Variants in NSFL1C observed in about 807,000 individuals in gnomAD.
The protein encoded by NSFL1C is NSFL1 cofactor p47.
NSFL1C carries 14 observed loss-of-function variants against 43.1 expected under a neutral mutation model. That is an observed-to-expected ratio of 0.32 (90% CI 0.21 to 0.51). NSFL1C has a LOEUF of 0.51. NSFL1C is among the 20% of genes least tolerant of loss of function. The pLI is 0.98. For synonymous variants in NSFL1C, 171 were observed against 183.5 expected, an observed-to-expected ratio of 0.93 and a Z score of 0.55; for missense variants, 406 against 472.5, an observed-to-expected ratio of 0.86 and a Z score of 1.30.
At chr20:1,446,264 G>A in intron 7 of NSFL1C, 1 of 244,002 alleles carries the variant, frequency 4.1e-6, no homozygotes, top group South Asian at 4.1e-5. Flanking sequence ...AGGCAGCCTT[G>A]GCACAGCCTG....
chr20:1,453,202 A>G, intron 5 of NSFL1C, 62 bp from the exon 6 acceptor site: 1 of 927,860 alleles, frequency 1.1e-6, no homozygotes, highest in Non-Finnish European at 1.8e-6. Flanking sequence ...TTGAACTTGC[A>G]AATTAGCAGG....
At chr20:1,455,920 C>T (rs1049845983) in intron 3 of NSFL1C, 6 of 624,738 alleles carry the variant, frequency 9.6e-6, no homozygotes, top group Non-Finnish European at 1.2e-5. Flanking sequence ...CAAATACAAG[C>T]CCCAAGACAC....
chr20:1,452,009 G>A (rs1030376816), intron 7 of NSFL1C, among the ~76,000 whole-genome samples: 2 of 152,214 alleles, frequency 1.3e-5, no homozygotes, highest in African/African-American at 4.8e-5. Context: ...AACACACTGT[G>A]AGGCCTGGCT....
chr20:1,443,091 TG>T lies in NSFL1C; in HGVS notation c.*657del, dbSNP rs1302772785. 2.0e-5 allele frequency: 3 copies of T among 152,180 alleles called. No homozygotes were observed. The highest frequency in any genetic ancestry group is 2.9e-5 in the Non-Finnish European group (2 of 68,094). The allele number at this position is 152,180 out of a possible 1,614,324, so 9.4% of individuals were successfully genotyped here. ...TGGAGGAAAGGGCCAGGCAGGCAGG[TG>T]GAACAGAATCTCAACTGGCCAAGAC... On this transcript the variant is annotated 3_prime_UTR_variant, in exon 9 of 9. Coordinates refer to ENST00000216879, the MANE Select transcript of NSFL1C (RefSeq NM_016143.5).
In NSFL1C at chr20:1,443,687, C is replaced by T; in HGVS notation, c.*62G>A. On this transcript the variant is annotated 3_prime_UTR_variant, in exon 9 of 9. Coordinates refer to ENST00000216879, the MANE Select transcript of NSFL1C (RefSeq NM_016143.5). ...ACAAGGGGGCAGGAGGGGCGATCCC[C>T]ATGGGGCATGGCCACTGGCCATGGG... 2.5e-6 allele frequency: 4 copies of T among 1,589,346 alleles called. No individual in the cohort carries two copies. Among genetic ancestry groups the T allele is most frequent in the Non-Finnish European group, 3.4e-6 (4 of 1,160,254 alleles).
At chr20:1,462,355 C>T (rs2090427861) in intron 2 of NSFL1C, among the ~76,000 whole-genome samples, 1 of 152,104 alleles carries the variant, frequency 6.6e-6, no homozygotes, top group Non-Finnish European at 1.5e-5. Flanking sequence ...ACACACTGCG[C>T]CCTCCTCCCT....
chr20:1,460,042 A>T (rs1019529120), intron 2 of NSFL1C, among the ~76,000 whole-genome samples: 3 of 152,202 alleles, frequency 2.0e-5, no homozygotes, highest in African/African-American at 7.2e-5. Context: ...TCTGGTATCC[A>T]TGTACCAGAT....
intron 7 of NSFL1C, among the ~76,000 whole-genome samples, chr20:1,446,731 C>A (rs1568613597): frequency 6.6e-6 from 1 of 152,062 alleles, no homozygotes; most frequent in East Asian, 1.9e-4. Context: ...TTCTCTCCTC[C>A]AAACCACCTG....
At chr20:1,445,926 G>A (rs973422858) in intron 7 of NSFL1C, 96 bp from the exon 8 acceptor site, 67 of 1,303,628 alleles carry the variant, frequency 5.1e-5, no homozygotes, top group African/African-American at 5.0e-4. Context: ...TTTGCAATGC[G>A]CCTGGCATTG....
chr20:1,457,309 T>G lies in NSFL1C; in HGVS notation c.278+891A>C, dbSNP rs142483865. 3.1e-3 allele frequency among the ~76,000 whole-genome samples: 467 copies of G among 152,322 alleles called. 1 individual carries two copies. Among genetic ancestry groups the G allele is most frequent in the African/African-American group, 0.011 (457 of 41,566 alleles). ...CTTTCTTTTCCTTATTTTTTAAAAT[T>G]GTAAATTGGCAATTTATAATTGTAT... On this transcript the variant is annotated intron_variant, in intron 3 of 8. Coordinates refer to ENST00000216879, the MANE Select transcript of NSFL1C (RefSeq NM_016143.5).
At chr20:1,454,845 C>A in intron 4 of NSFL1C, 122 bp downstream of exon 4, 1 of 1,060,236 alleles carries the variant, frequency 9.4e-7, no homozygotes, top group Non-Finnish European at 1.4e-6. Flanking sequence ...GTGTTCCGCA[C>A]AGAAGACCAA....
intron 7 of NSFL1C, among the ~76,000 whole-genome samples, chr20:1,450,764 A>G (rs1050991975): frequency 2.0e-5 from 3 of 152,242 alleles, no homozygotes; most frequent in African/African-American, 4.8e-5. Flanking sequence ...ATTTAATCAC[A>G]GAGATATTCA....
chr20:1,459,022 T>C (rs2090358779), intron 2 of NSFL1C, among the ~76,000 whole-genome samples: 1 of 152,208 alleles, frequency 6.6e-6, no homozygotes, highest in Non-Finnish European at 1.5e-5. Context: ...CCACCTAGTT[T>C]AGATCTGTCC....
chr20:1,462,709 G>A (rs2090437446), intron 2 of NSFL1C, among the ~76,000 whole-genome samples: 1 of 151,894 alleles, frequency 6.6e-6, no homozygotes, highest in African/African-American at 2.4e-5. Context: ...ATTTTTAGTA[G>A]AGACGGGGTT....
At chr20:1,461,404 G>A (rs1176205798) in intron 2 of NSFL1C, among the ~76,000 whole-genome samples, 1 of 152,212 alleles carries the variant, frequency 6.6e-6, no homozygotes. Flanking sequence ...AAACATGGAA[G>A]GATGCATGGG....
At chr20:1,444,210 C>A (rs1041451142) in intron 8 of NSFL1C, among the ~76,000 whole-genome samples, 13 of 152,240 alleles carry the variant, frequency 8.5e-5, no homozygotes, top group African/African-American at 3.1e-4. Flanking sequence ...ATACTCTCTT[C>A]CCACATTTGG....
At chr20:1,459,057 A>G (rs2090359352) in intron 2 of NSFL1C, among the ~76,000 whole-genome samples, 1 of 152,212 alleles carries the variant, frequency 6.6e-6, no homozygotes, top group Non-Finnish European at 1.5e-5. Context: ...TAAGTTTTTC[A>G]AGGATCATAA....
chr20:1,460,846 G>A (rs79373467), intron 2 of NSFL1C, among the ~76,000 whole-genome samples: 19 of 152,332 alleles, frequency 1.2e-4, no homozygotes, highest in Admixed American at 5.9e-4. Context: ...GTAGTTCCCG[G>A]AAGTTTAAAG....
chr20:1,444,017 C>A, intron 8 of NSFL1C, 106 bp from the exon 9 acceptor site: 2 of 1,249,914 alleles, frequency 1.6e-6, no homozygotes, highest in South Asian at 1.4e-5. Flanking sequence ...ACTTTCTCCA[C>A]AGAACAGCGA....
Sources: gnomAD v4.1 joint callset for allele counts (sites outside exome capture counted in the v4.1 genomes callset) on GRCh38, gnomAD v4.1.1 for gene constraint, MANE v1.5 for transcripts, NCBI Gene and HGNC (gene_info 2026-07-23, HGNC 2026-07-21) for gene names.